CTNNA3: variants seen among roughly 807,000 people sequenced by gnomAD.
CTNNA3 encodes catenin alpha-3.
A neutral mutation model predicts 95.7 loss-of-function variants in CTNNA3; 76 were observed. That is an observed-to-expected ratio of 0.79 (90% CI 0.66 to 0.96). The LOEUF (loss-of-function observed/expected upper bound fraction) is 0.96, where lower values mean the gene tolerates loss of function less well. CTNNA3 is among the 40% of genes least tolerant of loss of function. CTNNA3 has a pLI of 0.00. For synonymous variants in CTNNA3, 431 were observed against 374.4 expected, an observed-to-expected ratio of 1.15 and a Z score of -1.74; for missense variants, 1,191 against 1,089.8, an observed-to-expected ratio of 1.09 and a Z score of -1.31.
At chr10:66,084,753 A>G (rs974722648) in intron 14 of CTNNA3, 2 of 152,238 alleles carry the variant, frequency 1.3e-5, no homozygotes, top group Non-Finnish European at 2.9e-5. Flanking sequence ...CAATAATCAA[A>G]AAATAAAATT....
chr10:67,584,508 G>A (rs988388475), intron 3 of CTNNA3, among the ~76,000 whole-genome samples: 3 of 152,010 alleles, frequency 2.0e-5, no homozygotes, highest in African/African-American at 4.8e-5. Context: ...TAGGCTACTC[G>A]CGGGTCATGG....
At chr10:66,762,287 C>T (rs1282223886) in intron 9 of CTNNA3, among the ~76,000 whole-genome samples, 5 of 152,032 alleles carry the variant, frequency 3.3e-5, no homozygotes, top group Non-Finnish European at 5.9e-5. Context: ...TCATTCATTG[C>T]TAATCACTAT....
At chr10:66,767,109 T>A (rs968477764) in intron 8 of CTNNA3, among the ~76,000 whole-genome samples, 3 of 152,174 alleles carry the variant, frequency 2.0e-5, no homozygotes, top group African/African-American at 7.2e-5. Context: ...AAAACTGCAC[T>A]GAAAAATTAA....
At chr10:67,596,882 C>T (rs1174710796) in intron 3 of CTNNA3, among the ~76,000 whole-genome samples, 1 of 152,142 alleles carries the variant, frequency 6.6e-6, no homozygotes, top group Non-Finnish European at 1.5e-5. Context: ...TCTCTCTTTC[C>T]CTCTCTTTCA....
At position 66,069,788 on chromosome 10, in the gene CTNNA3, G is replaced by A. The variant is rs145205653; in HGVS notation, c.1978-299C>T. On this transcript the variant is annotated intron_variant, in intron 14 of 17. Coordinates refer to ENST00000433211, the MANE Select transcript of CTNNA3 (RefSeq NM_013266.4). ...GTGGGACTTTGCAAATTTCTAATAC[G>A]CTTCAAATTTTAAATTAACATCAAT... Among the ~76,000 whole-genome samples the A allele has an allele frequency of 1.4e-3, 207 of 152,090 alleles. 3 individuals are homozygous for A. Among genetic ancestry groups the A allele is most frequent in the African/African-American group, 4.7e-3 (195 of 41,488 alleles).
intron 9 of CTNNA3, among the ~76,000 whole-genome samples, chr10:66,739,061 G>A (rs1039658824): frequency 2.6e-5 from 4 of 152,058 alleles, no homozygotes; most frequent in Admixed American, 6.6e-5. Context: ...ATAGACCTGG[G>A]ATTATCACTA....
At chr10:66,324,110 A>G (rs1564867621) in intron 12 of CTNNA3, among the ~76,000 whole-genome samples, 1 of 151,912 alleles carries the variant, frequency 6.6e-6, no homozygotes, top group Non-Finnish European at 1.5e-5. Flanking sequence ...TCATGAGGTC[A>G]GGGGTTCCAG....
intron 7 of CTNNA3, among the ~76,000 whole-genome samples, chr10:66,845,731 T>TAAAAAAAAAAA (rs1304034179): frequency 3.9e-4 from 14 of 35,888 alleles, no homozygotes; most frequent in African/African-American, 7.2e-4. Flanking sequence ...AAAAAAAAAC[T>TAAAAAAAAAAA]AAAAAGGTGA....
In CTNNA3 at chr10:66,766,271, A is replaced by G. The variant is rs1839847629; in HGVS notation, c.1274T>C (p.Leu425Pro). The G allele has an allele frequency of 6.2e-7, 1 of 1,613,578 alleles. No homozygotes were observed. Reference protein sequence around the residue: ...AAIFHEHTSRLVEVANLACSM... With the variant: ...AAIFHEHTSRPVEVANLACSM... Reference sequence around the variant, plus strand: ...CAGTTCTAGCATGCTTACCTCTACAAGCCTGCTGGTGTGTTCATGAAATAT... The same window carrying G: ...CAGTTCTAGCATGCTTACCTCTACAGGCCTGCTGGTGTGTTCATGAAATAT... The change falls in exon 9 of 18, where the codon CTT becomes CCT. Residue 425 changes from leucine (L) to proline (P), a missense_variant. Leu to Pro is a moderately conservative substitution (Grantham distance 98). Coordinates refer to ENST00000433211, the MANE Select transcript of CTNNA3 (RefSeq NM_013266.4).
intron 5 of CTNNA3, among the ~76,000 whole-genome samples, chr10:67,396,811 T>G (rs1402016909): frequency 6.9e-6 from 1 of 145,470 alleles, no homozygotes; most frequent in African/African-American, 2.5e-5. Flanking sequence ...AGTTACCCCA[T>G]GCTGCTGTTA....
chr10:66,715,976 T>C (rs994666517), intron 9 of CTNNA3, among the ~76,000 whole-genome samples: 6 of 152,118 alleles, frequency 3.9e-5, no homozygotes, highest in African/African-American at 1.4e-4. Flanking sequence ...AAAACTGAAA[T>C]GCATATAAGG....
At chr10:66,054,790 A>C (rs10996864) in intron 15 of CTNNA3, among the ~76,000 whole-genome samples, 35,901 of 152,056 alleles carry the variant, frequency 0.24, 4,263 homozygotes, top group Admixed American at 0.26. Flanking sequence ...CTTACTCAAG[A>C]AATCTTTACT....
intron 13 of CTNNA3, among the ~76,000 whole-genome samples, chr10:66,276,583 C>T (rs1204702526): frequency 2.6e-5 from 4 of 152,086 alleles, no homozygotes; most frequent in African/African-American, 9.7e-5. Flanking sequence ...TTGCATTTAA[C>T]AGTCTATCAT....
intron 15 of CTNNA3, among the ~76,000 whole-genome samples, chr10:66,061,243 T>C (rs1435440162): frequency 2.6e-5 from 4 of 152,122 alleles, no homozygotes; most frequent in African/African-American, 7.2e-5. Flanking sequence ...TGTGCACAAA[T>C]GACTAGAGTA....
intron 13 of CTNNA3, among the ~76,000 whole-genome samples, chr10:66,211,429 T>G (rs2088147766): frequency 6.6e-6 from 1 of 152,130 alleles, no homozygotes; most frequent in Non-Finnish European, 1.5e-5. Flanking sequence ...AAAGGAAGAC[T>G]GGGAAGCAGT....
At chr10:66,331,241 G>A (rs1025186257) in intron 12 of CTNNA3, among the ~76,000 whole-genome samples, 6 of 149,396 alleles carry the variant, frequency 4.0e-5, no homozygotes, top group African/African-American at 1.5e-4. Context: ...ATTAATTTGT[G>A]TATAAGGTGT....
intron 7 of CTNNA3, among the ~76,000 whole-genome samples, chr10:66,901,435 A>G (rs887050796): frequency 6.6e-6 from 1 of 152,244 alleles, no homozygotes; most frequent in Non-Finnish European, 1.5e-5. Context: ...CCAAATTCTA[A>G]AGACCATAGA....
At chr10:66,757,924 A>G (rs907670791) in intron 9 of CTNNA3, among the ~76,000 whole-genome samples, 4 of 152,296 alleles carry the variant, frequency 2.6e-5, no homozygotes, top group Admixed American at 2.0e-4. Context: ...AATAGTATTT[A>G]TCTCCATCAT....
chr10:67,151,413 C>T (rs1861086658), intron 7 of CTNNA3, among the ~76,000 whole-genome samples: 1 of 151,920 alleles, frequency 6.6e-6, no homozygotes, highest in African/African-American at 2.4e-5. Flanking sequence ...TAACATGACA[C>T]CAAGTATCAT....
Sources: allele counts gnomAD v4.1 joint callset (sites outside exome capture counted in the v4.1 genomes callset), GRCh38; gene constraint gnomAD v4.1.1; transcripts MANE v1.5; gene names NCBI Gene and HGNC (gene_info 2026-07-23, HGNC 2026-07-21).